The following POU6F2 variants were observed in gnomAD, a reference collection of about 807,000 sequenced individuals.
POU6F2 encodes POU domain, class 6, transcription factor 2.
In POU6F2, 31 loss-of-function variants were observed where a neutral mutation model predicts 71.3. The ratio of observed to expected loss-of-function variants is 0.43; its 90% CI spans 0.33 to 0.59. POU6F2 has a LOEUF of 0.59. POU6F2 is among the 20% of genes least tolerant of loss of function. The probability of loss-of-function intolerance (pLI) is 0.04; values close to 1 mark genes in which losing one functional copy is unlikely to be tolerated. For synonymous variants in POU6F2, 347 were observed against 355.7 expected, an observed-to-expected ratio of 0.98 and a Z score of 0.27; for missense variants, 783 against 856.8, an observed-to-expected ratio of 0.91 and a Z score of 1.07.
At chr7:39,284,887 T>C (rs1186572569) in intron 4 of POU6F2, among the ~76,000 whole-genome samples, 1 of 152,200 alleles carries the variant, frequency 6.6e-6, no homozygotes, top group Admixed American at 6.5e-5. Context: ...TCCCTAACAA[T>C]AAAGATGGTC....
intron 6 of POU6F2, among the ~76,000 whole-genome samples, chr7:39,412,636 A>G (rs534823899): frequency 3.3e-5 from 5 of 152,290 alleles, no homozygotes; most frequent in African/African-American, 1.2e-4. Context: ...AGGGAGATTC[A>G]CATATATTAC....
At position 39,280,034 on chromosome 7, in the gene POU6F2, C is replaced by T. The variant is rs549929861; in HGVS notation, c.599-59608C>T. ...TGCTGGGATTGTAGATGTGAGTCTC[C>T]GTGCCCAGCCCAAATTTTCCCTTTT... On this transcript the variant is annotated intron_variant, in intron 4 of 9. Transcript: ENST00000518318. Among the ~76,000 whole-genome samples, 13 of 152,170 alleles carry T rather than the reference C, an allele frequency of 8.5e-5. No homozygotes were observed. In the South Asian group the frequency reaches 1.7e-3, roughly 19 times the overall value.
chr7:39,331,805 C>T (rs1378749255), intron 4 of POU6F2, among the ~76,000 whole-genome samples: 1 of 152,222 alleles, frequency 6.6e-6, no homozygotes, highest in Non-Finnish European at 1.5e-5. Flanking sequence ...GCCACCGCGC[C>T]CGGCCTCGCT....
At chr7:39,290,078 T>C (rs1320085684) in intron 4 of POU6F2, among the ~76,000 whole-genome samples, 3 of 152,194 alleles carry the variant, frequency 2.0e-5, no homozygotes, top group Non-Finnish European at 4.4e-5. Flanking sequence ...AAAAAAAATA[T>C]GACTTAAGGA....
intron 5 of POU6F2, among the ~76,000 whole-genome samples, chr7:39,367,024 C>T (rs1786515757): frequency 6.6e-6 from 1 of 151,834 alleles, no homozygotes; most frequent in Non-Finnish European, 1.5e-5. Flanking sequence ...CTCATCTTTA[C>T]AAAGATAGAG....
intron 5 of POU6F2, among the ~76,000 whole-genome samples, chr7:39,387,549 G>A (rs1786974188): frequency 6.6e-6 from 1 of 152,150 alleles, no homozygotes; most frequent in South Asian, 2.1e-4. Flanking sequence ...GGAATGTCAG[G>A]ATCAAGTTAG....
chr7:39,234,928 C>T (rs1361565252), intron 4 of POU6F2, among the ~76,000 whole-genome samples: 2 of 152,172 alleles, frequency 1.3e-5, no homozygotes, highest in Non-Finnish European at 2.9e-5. Context: ...GCATTCCTCC[C>T]TAGGCGTGGC....
At chr7:39,150,221 A>ATGTGTG (rs1201037266) in intron 2 of POU6F2, among the ~76,000 whole-genome samples, 1 of 48,532 alleles carries the variant, frequency 2.1e-5, no homozygotes, top group African/African-American at 1.1e-4. Context: ...GCTGAGTAAT[A>ATGTGTG]TGTCTGTGTG....
intron 4 of POU6F2, among the ~76,000 whole-genome samples, chr7:39,294,399 A>T (rs549823030): frequency 6.7e-6 from 1 of 148,572 alleles, no homozygotes; most frequent in Non-Finnish European, 1.5e-5. Context: ...TTTTGCGCCA[A>T]CCTAATACTA....
intron 3 of POU6F2, 103 bp downstream of exon 3, chr7:39,204,429 A>G: frequency 1.1e-6 from 1 of 892,672 alleles, no homozygotes; most frequent in Non-Finnish European, 1.6e-6. Context: ...TGACTCCAAC[A>G]GAGCAAAGAT....
chr7:39,051,061 G>A (rs931569790), intron 1 of POU6F2, among the ~76,000 whole-genome samples: 6 of 152,026 alleles, frequency 3.9e-5, no homozygotes, highest in Non-Finnish European at 7.4e-5. Context: ...AGATCCCACA[G>A]GCCACCATGC....
rs74905930 is a variant in POU6F2 at position 39,209,759 on chromosome 7, C to T, written c.598+2139C>T. Among the ~76,000 whole-genome samples, 703 of 152,316 alleles carry T rather than the reference C, an allele frequency of 4.6e-3. 3 individuals are homozygous for T. The highest frequency in any genetic ancestry group is 7.1e-3 in the Non-Finnish European group (483 of 68,032). ...TCCCACCTTTAGGCGACCTATTGCA[C>T]AGCCCTTGATAATCCCTAGGCAGAA... is the stretch of plus-strand genomic sequence containing the variant. On this transcript the variant is annotated intron_variant, in intron 4 of 9. Transcript: ENST00000518318.
At chr7:39,150,424 C>A (rs2128734080) in intron 2 of POU6F2, among the ~76,000 whole-genome samples, 1 of 151,368 alleles carries the variant, frequency 6.6e-6, no homozygotes, top group East Asian at 1.9e-4. Flanking sequence ...TCTTTGGGAA[C>A]CTCCACACTG....
At chr7:39,178,257 C>T (rs1043506625) in intron 2 of POU6F2, among the ~76,000 whole-genome samples, 1 of 151,392 alleles carries the variant, frequency 6.6e-6, no homozygotes, top group African/African-American at 2.4e-5. Flanking sequence ...CCATCAAAAA[C>T]AAAAAAAACA....
At chr7:39,041,696 T>TTA (rs1007775999) in intron 1 of POU6F2, among the ~76,000 whole-genome samples, 11 of 151,982 alleles carry the variant, frequency 7.2e-5, no homozygotes, top group Admixed American at 7.2e-4. Flanking sequence ...TATTTCCATC[T>TTA]TATTGATGGT....
chr7:39,141,694 A>G (rs974381686), intron 2 of POU6F2, among the ~76,000 whole-genome samples: 3 of 152,242 alleles, frequency 2.0e-5, no homozygotes, highest in African/African-American at 7.2e-5. Flanking sequence ...TAAACTATCA[A>G]TAATAACCAT....
chr7:39,275,584 G>A (rs1048007991), intron 4 of POU6F2, among the ~76,000 whole-genome samples: 27 of 152,260 alleles, frequency 1.8e-4, no homozygotes, highest in African/African-American at 3.8e-4. Context: ...AAAAGAGCCC[G>A]CATTGCCAAG....
At position 39,207,453 on chromosome 7, in the gene POU6F2, C is replaced by G; in HGVS notation, c.431C>G (p.Pro144Arg). Residue 144 changes from proline (P) to arginine (R), a missense_variant, in exon 4 of 10, where the codon CCA (proline) becomes CGA (arginine). Physicochemically the swap from Pro to Arg is moderately radical, Grantham distance 103. Coordinates refer to ENST00000518318, the MANE Select transcript of POU6F2 (RefSeq NM_001370959.1). ...AVAGVMPGGP[P>R]ALNQPILIPF... is the part of the protein sequence containing the mutation. ...GCCGGCGTGATGCCGGGAGGCCCCC[C>G]AGCCCTCAACCAGCCAATCCTCATT... 1.2e-6 allele frequency: 2 copies of G among 1,614,036 alleles called. No homozygotes were observed. Among genetic ancestry groups the G allele is most frequent in the East Asian group, 4.5e-5 (2 of 44,878 alleles).
intron 5 of POU6F2, among the ~76,000 whole-genome samples, chr7:39,348,837 CT>C (rs1317154790): frequency 2.0e-5 from 3 of 152,160 alleles, no homozygotes; most frequent in Non-Finnish European, 4.4e-5. Context: ...TATCCTGTTC[CT>C]GTATATTTTG....
Sources: gnomAD v4.1 joint callset for allele counts (sites outside exome capture counted in the v4.1 genomes callset) on GRCh38, gnomAD v4.1.1 for gene constraint, MANE v1.5 for transcripts, NCBI Gene and HGNC (gene_info 2026-07-23, HGNC 2026-07-21) for gene names.